The following NEK1 variants were observed in gnomAD, a reference collection of about 807,000 sequenced individuals.
NEK1 encodes the protein serine/threonine-protein kinase Nek1.
NEK1 carries 137 observed loss-of-function variants against 182.1 expected under a neutral mutation model. That is an observed-to-expected ratio of 0.75 (90% CI 0.65 to 0.87). NEK1 has a LOEUF of 0.87. NEK1 is among the 40% of genes least tolerant of loss of function. NEK1 has a pLI of 0.00. For missense variants in NEK1, 1,391 were observed against 1,494.4 expected (o/e 0.93, Z 1.14); for synonymous variants, 513 against 492.2 (o/e 1.04, Z -0.56).
rs756418625 is a variant in NEK1 at position 169,589,451 on chromosome 4, T to C, written c.460A>G (p.Asn154Asp). 1.3e-6 allele frequency: 2 copies of C among 1,489,840 alleles called. No homozygotes were observed. Among genetic ancestry groups the C allele is most frequent in the South Asian group, 1.3e-5 (1 of 79,878 alleles). The allele number at this position is 1,489,840 out of a possible 1,614,324, so 92.3% of individuals were successfully genotyped here. Residue 154 changes from asparagine to aspartate, a missense_variant, in exon 7 of 36, where the codon AAT becomes GAT. Transcript: ENST00000507142. Reference sequence around the variant, plus strand: ...AAAGTTTAAAATTCATGTTACCTATTAAGAACTCTAGCAATTCCAAAATCT... The same window carrying C: ...AAAGTTTAAAATTCATGTTACCTATCAAGAACTCTAGCAATTCCAAAATCT... ...LGDFGIARVL[N>D]STVELARTCI...
At chr4:169,563,725 C>T (rs1191277596) in intron 12 of NEK1, among the ~76,000 whole-genome samples, 8 of 152,204 alleles carry the variant, frequency 5.3e-5, no homozygotes, top group African/African-American at 1.9e-4. Flanking sequence ...CCATAGGTTT[C>T]AGGTGTGTAT....
chr4:169,593,988 CAAAA>C (rs1218657771), intron 5 of NEK1, among the ~76,000 whole-genome samples: 2 of 74,268 alleles, frequency 2.7e-5, no homozygotes, highest in African/African-American at 4.5e-5. Context: ...GACTCCGTCT[CAAAA>C]AAAAAAAAAA....
intron 10 of NEK1, 51 bp from the exon 11 acceptor site, chr4:169,580,953 A>T (rs935330879): frequency 2.9e-6 from 3 of 1,017,364 alleles, no homozygotes; most frequent in Non-Finnish European, 2.9e-6. Flanking sequence ...TTTCAAAATA[A>T]AAAACCTACC....
chr4:169,596,548 CAT>C (rs2150119164), intron 5 of NEK1, among the ~76,000 whole-genome samples: 1 of 152,252 alleles, frequency 6.6e-6, no homozygotes, highest in South Asian at 2.1e-4. Context: ...TTAATAAAGT[CAT>C]AGACTCAGGT....
chr4:169,476,035 C>T (rs1580002756), intron 26 of NEK1, among the ~76,000 whole-genome samples: 1 of 152,240 alleles, frequency 6.6e-6, no homozygotes, highest in African/African-American at 2.4e-5. Flanking sequence ...GAAATGATGG[C>T]TGAAAGTGTT....
chr4:169,413,643 T>C (rs779174842), intron 31 of NEK1, among the ~76,000 whole-genome samples: 7 of 152,236 alleles, frequency 4.6e-5, no homozygotes, highest in Non-Finnish European at 8.8e-5. Context: ...ATGTCACTAA[T>C]ACGTCCTTCA....
chr4:169,588,833 G>T, intron 7 of NEK1, 98 bp from the exon 8 acceptor site: 1 of 741,764 alleles, frequency 1.3e-6, no homozygotes, highest in Non-Finnish European at 2.4e-6. Context: ...TATGATGCTG[G>T]TCCCATAAGA....
rs747835576 is a variant in NEK1, at chr4:169,507,070, A to C, written c.1974T>G (p.Ala658=). 1.9e-6 allele frequency: 3 copies of C among 1,610,034 alleles called. No homozygotes were observed. The highest frequency in any genetic ancestry group is 2.5e-6 in the Non-Finnish European group (3 of 1,178,154). The change falls in exon 23 of 36, where the codon GCT becomes GCG. Residue 658 remains alanine, a synonymous_variant. Transcript: ENST00000507142. ...KEQLERKRKE[A]YEREKKVWEE... ...CCCACACTTTTTTTTCTCTCTCATA[A>C]GCCTCCTTTCTCTTTCGTTCTAGTT... is the stretch of plus-strand genomic sequence containing the variant.
intron 16 of NEK1, among the ~76,000 whole-genome samples, chr4:169,558,136 CTT>C (rs1762409772): frequency 6.6e-6 from 1 of 152,086 alleles, no homozygotes; most frequent in Admixed American, 6.5e-5. Context: ...ACTGGTTACT[CTT>C]TGAATTTAGC....
intron 23 of NEK1, among the ~76,000 whole-genome samples, chr4:169,488,006 G>A (rs1383067558): frequency 4.0e-5 from 6 of 151,772 alleles, no homozygotes; most frequent in Middle Eastern, 3.2e-3. Context: ...TTTTTAATGC[G>A]TAAAAATGGA....
At chr4:169,429,141 T>C (rs1736958707) in intron 29 of NEK1, among the ~76,000 whole-genome samples, 1 of 152,152 alleles carries the variant, frequency 6.6e-6, no homozygotes, top group Admixed American at 6.5e-5. Flanking sequence ...GAACCCACTG[T>C]GGGACTTGAG....
At chr4:169,415,004 C>G (rs372707059) in intron 31 of NEK1, among the ~76,000 whole-genome samples, 2 of 152,138 alleles carry the variant, frequency 1.3e-5, no homozygotes, top group East Asian at 3.8e-4. Flanking sequence ...ATTGTATCAC[C>G]GCCTCATTGG....
chr4:169,493,352 A>T (rs972999744), intron 23 of NEK1, among the ~76,000 whole-genome samples: 4 of 152,342 alleles, frequency 2.6e-5, no homozygotes, highest in African/African-American at 4.8e-5. Context: ...GATGAGAAGG[A>T]ATCAGTGAAA....
intron 27 of NEK1, among the ~76,000 whole-genome samples, chr4:169,446,764 A>C (rs1579700958): frequency 6.6e-6 from 1 of 152,216 alleles, no homozygotes. Flanking sequence ...TGCAACTGGC[A>C]TACTGATGAA....
intron 19 of NEK1, among the ~76,000 whole-genome samples, chr4:169,511,104 G>T (rs1002740422): frequency 6.6e-6 from 1 of 152,078 alleles, no homozygotes; most frequent in Non-Finnish European, 1.5e-5. Context: ...GCTTAAACTT[G>T]TTGTTAAGTC....
At chr4:169,556,144 C>T (rs768834316) in intron 16 of NEK1, 49 bp from the exon 17 acceptor site, 2 of 1,510,404 alleles carry the variant, frequency 1.3e-6, no homozygotes, top group African/African-American at 1.4e-5. Context: ...TAAGGCCTAA[C>T]AGGCCTGTAC....
At chr4:169,447,350 C>G (rs775906299) in intron 27 of NEK1, among the ~76,000 whole-genome samples, 17 of 151,936 alleles carry the variant, frequency 1.1e-4, no homozygotes, top group Non-Finnish European at 2.5e-4. Flanking sequence ...TAAAGACTAC[C>G]AGACAAACAA....
chr4:169,524,869 A>G (rs1429130160), intron 19 of NEK1, among the ~76,000 whole-genome samples: 1 of 152,234 alleles, frequency 6.6e-6, no homozygotes, highest in African/African-American at 2.4e-5. Context: ...ATTCATGCTT[A>G]CTGATTTACA....
intron 18 of NEK1, among the ~76,000 whole-genome samples, chr4:169,542,852 T>C (rs1258243576): frequency 6.6e-6 from 1 of 151,942 alleles, no homozygotes; most frequent in Non-Finnish European, 1.5e-5. Flanking sequence ...GGTTTTTTCT[T>C]GTAAATTTAA....
Sources: allele counts gnomAD v4.1 joint callset (sites outside exome capture counted in the v4.1 genomes callset), GRCh38; gene constraint gnomAD v4.1.1; transcripts MANE v1.5; gene names NCBI Gene and HGNC (gene_info 2026-07-23, HGNC 2026-07-21).